The following SLC28A3 variants were observed in gnomAD, a reference collection of about 807,000 sequenced individuals.
SLC28A3 encodes concentrative Na(+)-nucleoside cotransporter 3.
Under a neutral mutation model 84.2 loss-of-function variants are expected in SLC28A3, and 68 were observed. That is an observed-to-expected ratio of 0.81 (90% CI 0.66 to 0.99). The LOEUF is 0.99. Among genes scored for constraint, SLC28A3 ranks in the 50% least tolerant of loss-of-function variants. SLC28A3 has a pLI of 0.00. For synonymous variants in SLC28A3, 267 were observed against 303.6 expected, an observed-to-expected ratio of 0.88 and a Z score of 1.25; for missense variants, 712 against 841.5, an observed-to-expected ratio of 0.85 and a Z score of 1.90.
At chr9:84,351,326 A>G in the SLC28A3 span, among the ~76,000 whole-genome samples, 7 of 152,296 alleles carry the variant, frequency 4.6e-5, no homozygotes, top group Admixed American at 6.5e-5. Flanking sequence ...TGATGTTTCA[A>G]GGTACATGAC....
rs765762697 is a variant in SLC28A3, at chr9:84,280,789, C to T, written c.1729+12G>A. ...CACATCTGTGTTGTTGAAGAATGTT[C>T]TTTTCACTTACTGAGTCCGCCGATC... On this transcript the variant is annotated intron_variant, in intron 15 of 17. Transcript: ENST00000376238. 9 of 1,613,550 alleles carry T rather than the reference C, an allele frequency of 5.6e-6. No homozygotes were observed. In the East Asian group the frequency reaches 1.8e-4, roughly 32 times the overall value.
chr9:84,297,221 C>T lies in SLC28A3; in HGVS notation c.861G>A (p.Lys287=). 1 of 1,611,930 alleles carries T rather than the reference C, an allele frequency of 6.2e-7. No homozygotes were observed. Among genetic ancestry groups the T allele is most frequent in the Non-Finnish European group, 8.5e-7 (1 of 1,179,126 alleles). Residue 287 remains lysine (K), a splice_region_variant and synonymous_variant, in exon 8 of 18, where the codon AAG becomes AAA. Transcript: ENST00000376238. ...ACATAGAAAAAAGGTTTGACTTTAC[C>T]TTAAATGCAAAGAAGTGGTCTTTGT... ...EKYKDHFFAF[K]VLPIVVFFST...
intron 1 of SLC28A3, among the ~76,000 whole-genome samples, chr9:84,334,218 G>T (rs1366537230): frequency 2.0e-5 from 3 of 152,206 alleles, no homozygotes; most frequent in African/African-American, 7.2e-5. Flanking sequence ...AGAATCGCTT[G>T]AACTGGGGAG....
rs2117998846 is a variant in SLC28A3 at position 84,277,000 on chromosome 9, G to T, written c.*1218C>A. 1 of 152,332 alleles carries T rather than the reference G, an allele frequency of 6.6e-6. No homozygotes were observed. Among genetic ancestry groups the T allele is most frequent in the Non-Finnish European group, 1.5e-5 (1 of 68,028 alleles). The allele number at this position is 152,332 out of a possible 1,614,324, so 9.4% of individuals were successfully genotyped here. A position where few individuals can be genotyped will look rare whatever the true frequency, so the allele number is the denominator to read the frequency against. On this transcript the variant is annotated 3_prime_UTR_variant, in exon 18 of 18. Transcript: ENST00000376238. Reference sequence around the variant, plus strand: ...AAAGAGCACACCACCATTGTCTCTGGAATCTTTTTCTTAGACACTGACACC... The same window carrying T: ...AAAGAGCACACCACCATTGTCTCTGTAATCTTTTTCTTAGACACTGACACC...
chr9:84,305,316 C>T lies in SLC28A3; in HGVS notation c.272G>A (p.Cys91Tyr). ...TGTTTTGTGTTTCCTACAGAAACCA[C>T]ATACTGTGTCATACCTCCTTTCCAA... ...GCLERRYDTV[C>Y]GFCRKHKTTL... The change falls in exon 4 of 18, where the codon TGT becomes TAT. Residue 91 changes from cysteine (C) to tyrosine (Y), a missense_variant. Physicochemically the swap from Cys to Tyr is radical, Grantham distance 194 (BLOSUM62 -2). Coordinates refer to ENST00000376238, the MANE Select transcript of SLC28A3 (RefSeq NM_001199633.2). 6.2e-7 allele frequency: 1 copy of T among 1,613,122 alleles called. No individual in the cohort carries two copies. Among genetic ancestry groups the T allele is most frequent in the Non-Finnish European group, 8.5e-7 (1 of 1,179,846 alleles).
chr9:84,280,710 G>GT (rs1170999760), intron 15 of SLC28A3, 91 bp downstream of exon 15: 6 of 1,303,340 alleles, frequency 4.6e-6, no homozygotes, highest in African/African-American at 1.5e-5. Flanking sequence ...AAAGGCCTTT[G>GT]TTTTTTCTGA....
In SLC28A3 at chr9:84,286,201, A is replaced by G. The variant is rs11568393; in HGVS notation, c.1281-90T>C. ...CAGAAGTAGCATAATCAGAGCTTAG[A>G]TAAGAGACAAACTCTAAGGCCCCTG... is the stretch of plus-strand genomic sequence containing the variant. On this transcript the variant is annotated intron_variant, in intron 12 of 17. Coordinates refer to ENST00000376238, the MANE Select transcript of SLC28A3 (RefSeq NM_001199633.2). 3,218 of 1,295,932 alleles carry G rather than the reference A, an allele frequency of 2.5e-3. 67 individuals carry two copies. In the African/African-American group the frequency reaches 0.042, roughly 17 times the overall value. 80.3% of individuals were successfully genotyped at this position (1,295,932 alleles called of 1,614,324 possible). A position where few individuals can be genotyped will look rare whatever the true frequency, so the allele number is the denominator to read the frequency against.
At chr9:84,323,510 C>T (rs1320818777) in intron 1 of SLC28A3, among the ~76,000 whole-genome samples, 4 of 151,168 alleles carry the variant, frequency 2.6e-5, no homozygotes, top group African/African-American at 9.8e-5. Context: ...CTGCAACTTC[C>T]ACCTCCTGGG....
In SLC28A3 at chr9:84,305,268, C is replaced by T. The variant is rs761854994; in HGVS notation, c.320G>A (p.Gly107Asp). 5 of 1,612,514 alleles carry T rather than the reference C, an allele frequency of 3.1e-6. No homozygotes were observed. Among genetic ancestry groups the T allele is most frequent in the Non-Finnish European group, 4.2e-6 (5 of 1,179,820 alleles). ...TTGTTATTTACCTGCTAATAAAATG[C>T]CCCAGATGATGTGCCGAAGAGTTGT... ...HKTTLRHIIW[G>D]ILLAGYLVMV... is the part of the protein sequence containing the mutation. The change falls in exon 4 of 18, where the codon GGC (glycine) becomes GAC (aspartate). Residue 107 changes from glycine to aspartate, a missense_variant. By Grantham distance (94) the Gly-to-Asp change is moderately conservative. Coordinates refer to ENST00000376238, the MANE Select transcript of SLC28A3 (RefSeq NM_001199633.2).
intron 10 of SLC28A3, among the ~76,000 whole-genome samples, chr9:84,291,857 C>G (rs987838868): frequency 5.3e-5 from 8 of 152,186 alleles, no homozygotes; most frequent in African/African-American, 1.9e-4. Context: ...AGCTGCATAT[C>G]TGGAGTGATG....
intron 1 of SLC28A3, among the ~76,000 whole-genome samples, chr9:84,314,758 T>G (rs1285105696): frequency 6.6e-6 from 1 of 152,214 alleles, no homozygotes; most frequent in African/African-American, 2.4e-5. Context: ...AGCACAGCAA[T>G]GTAGTACCCT....
chr9:84,313,055 C>T (rs1458455204), intron 2 of SLC28A3, among the ~76,000 whole-genome samples: 1 of 152,202 alleles, frequency 6.6e-6, no homozygotes, highest in Non-Finnish European at 1.5e-5. Context: ...CTGTCATTTA[C>T]GTTAAAGCTC....
At chr9:84,292,453 C>G (rs57771024) in intron 10 of SLC28A3, 2 of 489,398 alleles carry the variant, frequency 4.1e-6, no homozygotes, top group South Asian at 5.3e-5. Context: ...CTGTGTCTCT[C>G]TGTCTCTCTG....
chr9:84,301,518 A>G (rs1690318226), intron 5 of SLC28A3, among the ~76,000 whole-genome samples: 1 of 152,140 alleles, frequency 6.6e-6, no homozygotes, highest in East Asian at 1.9e-4. Context: ...TTTTATTTTG[A>G]CCATAGCCCC....
chr9:84,285,927 C>T lies in SLC28A3; in HGVS notation c.1449+16G>A, dbSNP rs11568394. 1.4e-5 allele frequency: 22 copies of T among 1,607,630 alleles called. No individual in the cohort carries two copies. The highest frequency in any genetic ancestry group is 3.3e-5 in the South Asian group (3 of 90,266). ...GCAGAAACAAAACAGAGGGCAGGGG[C>T]GTGATGTGATTATACCTCAAAACTC... On this transcript the variant is annotated intron_variant, in intron 13 of 17. Coordinates refer to ENST00000376238, the MANE Select transcript of SLC28A3 (RefSeq NM_001199633.2).
chr9:84,286,054 C>A lies in SLC28A3; in HGVS notation c.1338G>T (p.Leu446=), dbSNP rs1234064442. 11 of 1,614,076 alleles carry A rather than the reference C, an allele frequency of 6.8e-6. No individual in the cohort carries two copies. Among genetic ancestry groups the A allele is most frequent in the South Asian group, 3.3e-5 (3 of 91,062 alleles). The change falls in exon 13 of 18, where the codon CTG becomes CTT. Residue 446 remains leucine (L), a synonymous_variant. Transcript: ENST00000376238. ...ATQGASSSIS[L]VANIAVNLIA... ...TCAGATTCACAGCGATGTTGGCCAC[C>A]AGGGAGATGGAGGAGGATGCTCCCT...
Position 84,294,187 on chromosome 9 carries a change from C to T in SLC28A3, c.942+8G>A. On this transcript the variant is annotated splice_region_variant and intron_variant, in intron 9 of 17. Coordinates refer to ENST00000376238, the MANE Select transcript of SLC28A3 (RefSeq NM_001199633.2). ...CACCTATAACCCAGTCCCTCCCAGCCCCAGTACCTTTCTAATAATCCACTG... is the reference window on the plus strand; with the variant it reads ...CACCTATAACCCAGTCCCTCCCAGCTCCAGTACCTTTCTAATAATCCACTG... The T allele has an allele frequency of 1.2e-6, 2 of 1,613,812 alleles. No homozygotes were observed. The highest frequency in any genetic ancestry group is 8.5e-7 in the Non-Finnish European group (1 of 1,179,764).
chr9:84,316,338 T>C (rs1414725867), intron 1 of SLC28A3, among the ~76,000 whole-genome samples: 1 of 152,252 alleles, frequency 6.6e-6, no homozygotes, highest in Non-Finnish European at 1.5e-5. Context: ...ATATCCAAGC[T>C]TCCCTTGCAA....
chr9:84,309,902 A>T (rs1303682564), intron 2 of SLC28A3, among the ~76,000 whole-genome samples, 188 bp from the exon 3 acceptor site: 1 of 152,194 alleles, frequency 6.6e-6, no homozygotes, highest in African/African-American at 2.4e-5. Flanking sequence ...CACACAAAAA[A>T]TGCCAGGTTC....
Sources: gnomAD v4.1 joint callset for allele counts (sites outside exome capture counted in the v4.1 genomes callset) on GRCh38, gnomAD v4.1.1 for gene constraint, MANE v1.5 for transcripts, NCBI Gene and HGNC (gene_info 2026-07-23, HGNC 2026-07-21) for gene names.